ARHGAP26: variants seen among roughly 807,000 people sequenced by gnomAD.
ARHGAP26 encodes Rho GTPase activating protein 26, also known as rho GTPase-activating protein 26.
Under a neutral mutation model 104.8 loss-of-function variants are expected in ARHGAP26, and 38 were observed. That is an observed-to-expected ratio of 0.36 (90% CI 0.28 to 0.48). The LOEUF is 0.48. ARHGAP26 is among the 20% of genes least tolerant of loss of function. ARHGAP26 has a pLI of 0.99. For missense variants in ARHGAP26, 704 were observed against 947.9 expected, an observed-to-expected ratio of 0.74 and a Z score of 3.38; for synonymous variants, 341 against 340.0, an observed-to-expected ratio of 1.00 and a Z score of -0.03.
chr5:143,007,578 T>G (rs1778174198), intron 11 of ARHGAP26, among the ~76,000 whole-genome samples: 1 of 152,248 alleles, frequency 6.6e-6, no homozygotes, highest in Admixed American at 6.5e-5. Context: ...AGAAGTTGTA[T>G]GAAGTTGTGG....
At chr5:142,850,431 AAACAAC>A (rs568007547) in intron 1 of ARHGAP26, among the ~76,000 whole-genome samples, 10 of 152,166 alleles carry the variant, frequency 6.6e-5, no homozygotes, top group Non-Finnish European at 1.2e-4. Context: ...CCAGCATTAA[AAACAAC>A]AACAACAACA....
chr5:143,003,402 A>G (rs1777472429), intron 11 of ARHGAP26, among the ~76,000 whole-genome samples: 1 of 152,224 alleles, frequency 6.6e-6, no homozygotes, highest in African/African-American at 2.4e-5. Context: ...ACCTGCAGAG[A>G]AAGACCCAGA....
intron 13 of ARHGAP26, 82 bp downstream of exon 13, chr5:143,037,343 C>T: frequency 3.2e-6 from 4 of 1,257,328 alleles, no homozygotes; most frequent in Non-Finnish European, 4.5e-6. Context: ...CTGCTGTTTC[C>T]TGACTTTAAG....
chr5:143,013,318 C>T (rs1779143850), intron 11 of ARHGAP26, among the ~76,000 whole-genome samples: 1 of 152,178 alleles, frequency 6.6e-6, no homozygotes, highest in South Asian at 2.1e-4. Context: ...GATTTTGCCT[C>T]TTGGCCCACA....
Position 143,014,101 on chromosome 5 carries a change from A to C in ARHGAP26, c.1129A>C (p.Ser377Arg), listed in dbSNP as rs1779257626. The C allele has an allele frequency of 6.2e-7, 1 of 1,614,250 alleles. No individual in the cohort carries two copies. The highest frequency in any genetic ancestry group is 1.7e-5 in the Admixed American group (1 of 60,034). The part of the protein sequence containing the change: ...REPVYNSNKD[S>R]QSEGTAQLDS... ...CCAGGTCTACAACTCGAACAAAGAC[A>C]GCCAGAGTGAAGGGAGTAAGTACGA... The change falls in exon 12 of 23, where the codon AGC (serine) becomes CGC (arginine). Residue 377 changes from serine (S) to arginine (R), a missense_variant. Coordinates refer to ENST00000645722, the MANE Select transcript of ARHGAP26 (RefSeq NM_001135608.3).
chr5:143,015,025 C>G (rs1401008395), intron 12 of ARHGAP26, among the ~76,000 whole-genome samples: 1 of 152,072 alleles, frequency 6.6e-6, no homozygotes, highest in African/African-American at 2.4e-5. Context: ...TTTTCCCCCC[C>G]TTTCTTTCTC....
chr5:142,929,480 A>G (rs1358149233), intron 10 of ARHGAP26, among the ~76,000 whole-genome samples: 2 of 152,060 alleles, frequency 1.3e-5, no homozygotes, highest in Non-Finnish European at 2.9e-5. Context: ...AAAGAAAGTT[A>G]TTGTTTTACT....
chr5:143,050,941 A>G (rs1784923723), intron 14 of ARHGAP26, among the ~76,000 whole-genome samples: 1 of 152,230 alleles, frequency 6.6e-6, no homozygotes, highest in Non-Finnish European at 1.5e-5. Flanking sequence ...AGGCTCTCCT[A>G]AGACTGGGTC....
chr5:142,977,554 A>G (rs1020402760), intron 11 of ARHGAP26, among the ~76,000 whole-genome samples: 1 of 152,038 alleles, frequency 6.6e-6, no homozygotes, highest in Non-Finnish European at 1.5e-5. Context: ...CCCCTGCTGG[A>G]TACGGATCTT....
intron 20 of ARHGAP26, among the ~76,000 whole-genome samples, chr5:143,196,871 C>T (rs1806924119): frequency 6.6e-6 from 1 of 152,154 alleles, no homozygotes. Context: ...CCTCGGATGA[C>T]CTCAACAGCA....
chr5:143,092,987 C>T (rs1245758784), intron 17 of ARHGAP26, among the ~76,000 whole-genome samples: 2 of 152,228 alleles, frequency 1.3e-5, no homozygotes, highest in Admixed American at 6.5e-5. Context: ...GGGAGTTCCT[C>T]CTAGGTCTGC....
intron 1 of ARHGAP26, among the ~76,000 whole-genome samples, chr5:142,804,989 C>T (rs575117397): frequency 1.3e-4 from 20 of 152,144 alleles, no homozygotes; most frequent in East Asian, 5.8e-4. Context: ...TAATGTTTTT[C>T]GGGTCCATTC....
chr5:143,092,086 CT>C (rs1480915710), intron 17 of ARHGAP26, among the ~76,000 whole-genome samples: 3 of 151,198 alleles, frequency 2.0e-5, no homozygotes, highest in African/African-American at 4.8e-5. Flanking sequence ...CCTTTTATAA[CT>C]TTTTTTCATG....
At position 142,967,978 on chromosome 5, in the gene ARHGAP26, T is replaced by C. The variant is rs543334624; in HGVS notation, c.1107+35853T>C. Among the ~76,000 whole-genome samples the C allele has an allele frequency of 2.0e-5, 3 of 152,304 alleles. No homozygotes were observed. In the East Asian group the frequency reaches 5.8e-4, roughly 29 times the overall value. On this transcript the variant is annotated intron_variant, in intron 11 of 22. Transcript: ENST00000645722. ...AAAGAAGGGCCAGAAAACCCTTGGATCAGGCTTGTACTCGGAATTGTTTTT... is the reference window on the plus strand; with the variant it reads ...AAAGAAGGGCCAGAAAACCCTTGGACCAGGCTTGTACTCGGAATTGTTTTT...
Position 143,031,278 on chromosome 5 carries a change from C to CA in ARHGAP26, c.1145-5917dup, listed in dbSNP as rs1440685213. ...TTCTCCCAAGGGCAGCAAGGTGCTG[C>CA]AGGGAGGTGATATGCTCTGATTTTG... On this transcript the variant is annotated intron_variant, in intron 12 of 22. Transcript: ENST00000645722. Among the ~76,000 whole-genome samples, 10 of 152,292 alleles carry CA rather than the reference C, an allele frequency of 6.6e-5. No homozygotes were observed. In the East Asian group the frequency reaches 1.9e-3, roughly 29 times the overall value.
chr5:143,167,307 T>TA (rs35142931), intron 20 of ARHGAP26, among the ~76,000 whole-genome samples: 2,656 of 96,876 alleles, frequency 0.027, 149 homozygotes, highest in African/African-American at 0.09. Flanking sequence ...ATCTCTACTT[T>TA]AAAAAAAAAA....
chr5:143,035,935 C>CAAAA (rs10713064), intron 12 of ARHGAP26, among the ~76,000 whole-genome samples: 49 of 78,004 alleles, frequency 6.3e-4, no homozygotes, highest in Middle Eastern at 7.2e-3. Flanking sequence ...GACCTTGTCT[C>CAAAA]AAAAAAAAAA....
rs549349811 is a variant in ARHGAP26 at position 143,047,091 on chromosome 5, A to C, written c.1285+5201A>C. The stretch of plus-strand genomic sequence containing the variant: ...TAGAGTGTGATTTTCTCAGGCACAT[A>C]TTGCACAGATGCTCTATAACTTTTT... On this transcript the variant is annotated intron_variant, in intron 14 of 22. Transcript: ENST00000645722. Among the ~76,000 whole-genome samples the C allele has an allele frequency of 2.6e-5, 4 of 152,310 alleles. No homozygotes were observed. The East Asian group carries it at 7.7e-4, about 29-fold the overall frequency.
At chr5:142,841,669 A>G (rs1770835946) in intron 1 of ARHGAP26, among the ~76,000 whole-genome samples, 1 of 152,234 alleles carries the variant, frequency 6.6e-6, no homozygotes, top group Non-Finnish European at 1.5e-5. Flanking sequence ...AGGAGATGTC[A>G]GAGGCCTGAC....
Sources: allele counts gnomAD v4.1 joint callset (sites outside exome capture counted in the v4.1 genomes callset), GRCh38; gene constraint gnomAD v4.1.1; transcripts MANE v1.5; gene names NCBI Gene and HGNC (gene_info 2026-07-23, HGNC 2026-07-21).